Variants in NIBAN2 observed in about 807,000 individuals in gnomAD.
The protein encoded by NIBAN2 is protein Niban 2.
A neutral mutation model predicts 81.8 loss-of-function variants in NIBAN2; 36 were observed. That is an observed-to-expected ratio of 0.44 (90% CI 0.34 to 0.58). NIBAN2 has a LOEUF of 0.58. Ranked by LOEUF, NIBAN2 falls within the 20% of genes least tolerant of loss-of-function variation. The pLI, the probability that NIBAN2 is intolerant of heterozygous loss-of-function variation, is 0.02. For synonymous variants in NIBAN2, 445 were observed against 441.6 expected, an observed-to-expected ratio of 1.01 and a Z score of -0.10; for missense variants, 897 against 1,014.1, an observed-to-expected ratio of 0.88 and a Z score of 1.57.
At chr9:127,553,921 T>A (rs1277323916) in intron 1 of NIBAN2, among the ~76,000 whole-genome samples, 1 of 151,886 alleles carries the variant, frequency 6.6e-6, no homozygotes, top group Non-Finnish European at 1.5e-5. Flanking sequence ...GGACTGGAGG[T>A]CTGATGGGTC....
Position 127,545,102 on chromosome 9 carries a change from G to T in NIBAN2, c.56-13324C>A, listed in dbSNP as rs1837446990. ...AGCGAACCGCAACCTCAGCCCCTCA[G>T]CTTCCTCCTCAGCGGAGGAAATCTG... On this transcript the variant is annotated intron_variant, in intron 1 of 13. Transcript: ENST00000373312. This position sits in a 1 kb window ranked among gnomAD's most constrained non-coding sequence, Gnocchi z 4.7. Among the ~76,000 whole-genome samples the T allele has an allele frequency of 6.6e-6, 1 of 152,184 alleles. No individual in the cohort carries two copies. Among genetic ancestry groups the T allele is most frequent in the South Asian group, 2.1e-4 (1 of 4,836 alleles).
rs1588149203 is a variant in NIBAN2, at chr9:127,507,871, C to T, written c.1650G>A (p.Leu550=). 2.5e-6 allele frequency: 4 copies of T among 1,614,028 alleles called. No homozygotes were observed. The highest frequency in any genetic ancestry group is 3.4e-6 in the Non-Finnish European group (4 of 1,179,916). The change falls in exon 13 of 14, where the codon CTG becomes CTA. Residue 550 remains leucine, a synonymous_variant. Coordinates refer to ENST00000373312, the MANE Select transcript of NIBAN2 (RefSeq NM_022833.4). This position sits in a 1 kb window ranked among gnomAD's most constrained non-coding sequence, Gnocchi z 6.8. ...CCACCCCGGGACGGCACCCACCCTG[C>T]AGGATGTCCTTCATGACGGTCTGCA... is the stretch of plus-strand genomic sequence containing the variant. ...VVLQTVMKDI[L]QAVKEAAVQR...
At chr9:127,530,181 G>A (rs1300540234) in intron 2 of NIBAN2, among the ~76,000 whole-genome samples, 1 of 152,232 alleles carries the variant, frequency 6.6e-6, no homozygotes, top group African/African-American at 2.4e-5. Context: ...CCGGGCCACA[G>A]CAGGCCCCTC....
At chr9:127,569,733 G>T (rs976627760), upstream of NIBAN2, among the ~76,000 whole-genome samples, 1 of 152,192 alleles carries the variant, frequency 6.6e-6, no homozygotes. Context: ...CTATAGGAAG[G>T]GGGTGGGGAA....
chr9:127,557,600 C>T (rs994338840), intron 1 of NIBAN2, among the ~76,000 whole-genome samples: 3 of 152,254 alleles, frequency 2.0e-5, no homozygotes, highest in African/African-American at 4.8e-5. Flanking sequence ...AACAGCTCCT[C>T]TCGGATTCTG....
rs762729472 is a variant in NIBAN2 at position 127,517,047 on chromosome 9, C to T, written c.811-28G>A. The T allele has an allele frequency of 4.3e-6, 7 of 1,611,456 alleles. No individual in the cohort carries two copies. Among genetic ancestry groups the T allele is most frequent in the Non-Finnish European group, 5.9e-6 (7 of 1,178,270 alleles). On this transcript the variant is annotated intron_variant, in intron 7 of 13. Coordinates refer to ENST00000373312, the MANE Select transcript of NIBAN2 (RefSeq NM_022833.4). The surrounding 1 kb of genome is among the most constrained non-coding windows in gnomAD (Gnocchi z 4.0). ...GTGGGCAGAGCAGCTGAATTGGCAC[C>T]AGGGCTGAGGGCACCGCACCAGCTG...
rs1276 is a variant in NIBAN2, at chr9:127,505,577, G to C, written c.*1268C>G. On this transcript the variant is annotated 3_prime_UTR_variant, in exon 14 of 14. Coordinates refer to ENST00000373312, the MANE Select transcript of NIBAN2 (RefSeq NM_022833.4). ...GCCCCTCCTCTGGGGAGCAGGTCTA[G>C]GGCACGGAGGATGCAGGGCTGGGAG... 83,774 of 152,482 alleles carry C rather than the reference G, an allele frequency of 0.55. 24,375 individuals carry two copies. The highest frequency in any genetic ancestry group is 0.65 in the Middle Eastern group (192 of 294). The allele number at this position is 152,482 out of a possible 1,614,324, so 9.4% of individuals were successfully genotyped here. A position where few individuals can be genotyped will look rare whatever the true frequency, so the allele number is the denominator to read the frequency against.
intron 1 of NIBAN2, among the ~76,000 whole-genome samples, chr9:127,552,859 T>C (rs1837604188): frequency 6.6e-6 from 1 of 151,954 alleles, no homozygotes; most frequent in South Asian, 2.1e-4. Flanking sequence ...GCCTGGCTAA[T>C]TTTTGTATTT....
At position 127,527,178 on chromosome 9, in the gene NIBAN2, C is replaced by T. The variant is rs759692302; in HGVS notation, c.315+16G>A. 35 of 1,611,338 alleles carry T rather than the reference C, an allele frequency of 2.2e-5. No homozygotes were observed. In the East Asian group the frequency reaches 3.6e-4, roughly 16 times the overall value. ...AAGCGGGGAGGCTCAGTGTGGCGCC[C>T]GGGGCCAGGCCTCACCGCTTTGTTT... On this transcript the variant is annotated intron_variant, in intron 3 of 13. Coordinates refer to ENST00000373312, the MANE Select transcript of NIBAN2 (RefSeq NM_022833.4).
In NIBAN2 at chr9:127,506,416, C is replaced by T. The variant is rs1300639825; in HGVS notation, c.*429G>A. ...GCAGGGCCAGGAGGGCAGCAGTGCTCCCTCTCCCGGTCCTGGCCCAGCCAG... is the reference window on the plus strand; with the variant it reads ...GCAGGGCCAGGAGGGCAGCAGTGCTTCCTCTCCCGGTCCTGGCCCAGCCAG... On this transcript the variant is annotated 3_prime_UTR_variant, in exon 14 of 14. Coordinates refer to ENST00000373312, the MANE Select transcript of NIBAN2 (RefSeq NM_022833.4). 6.3e-6 allele frequency: 1 copy of T among 158,692 alleles called. No individual in the cohort carries two copies. Among genetic ancestry groups the T allele is most frequent in the East Asian group, 1.8e-4 (1 of 5,444 alleles). The allele number at this position is 158,692 out of a possible 1,614,324, so 9.8% of individuals were successfully genotyped here.
chr9:127,551,972 A>G (rs142779758), intron 1 of NIBAN2, among the ~76,000 whole-genome samples: 174 of 152,082 alleles, frequency 1.1e-3, no homozygotes, highest in Middle Eastern at 3.4e-3. Flanking sequence ...GGCTTGCCCC[A>G]CCCTCAGGTC....
chr9:127,560,640 C>T (rs1341610554), intron 1 of NIBAN2, among the ~76,000 whole-genome samples: 3 of 152,198 alleles, frequency 2.0e-5, no homozygotes, highest in Admixed American at 6.5e-5. Context: ...GACAGCCAGC[C>T]AGGAAGCACA....
chr9:127,557,537 G>A (rs761795158), intron 1 of NIBAN2, among the ~76,000 whole-genome samples: 1 of 152,188 alleles, frequency 6.6e-6, no homozygotes, highest in Non-Finnish European at 1.5e-5. Flanking sequence ...CCACCCGGGG[G>A]CCTCCAGGCA....
At chr9:127,577,413 T>TCCTAGAGTTCAGCTCTTTCTCAAACACAA (rs1838023176) in intron 1 of NIBAN2, among the ~76,000 whole-genome samples, 1 of 150,810 alleles carries the variant, frequency 6.6e-6, no homozygotes. Context: ...CCAGATCCAA[T>TCCTAGAGTTCAGCTCTTTCTCAAACACAA]ACCCCACACT....
chr9:127,527,340 T>TGGGG lies in NIBAN2; in HGVS notation c.187-22_187-19dup. On this transcript the variant is annotated intron_variant, in intron 2 of 13. Transcript: ENST00000373312. The stretch of plus-strand genomic sequence containing the variant: ...AGTGGCACCTGTGGGCAGGAGCGGG[T>TGGGG]GGGGAGTGAGGCCCAGGTCTGGGGG... 1 of 1,591,448 alleles carries TGGGG rather than the reference T, an allele frequency of 6.3e-7. No individual in the cohort carries two copies. Among genetic ancestry groups the TGGGG allele is most frequent in the Non-Finnish European group, 8.6e-7 (1 of 1,167,950 alleles).
chr9:127,576,797 G>A (rs916831380), intron 1 of NIBAN2, among the ~76,000 whole-genome samples: 7 of 150,668 alleles, frequency 4.6e-5, no homozygotes, highest in Admixed American at 6.6e-5. Context: ...AGGCTGGAGT[G>A]TAGTGGCGCC....
intron 1 of NIBAN2, among the ~76,000 whole-genome samples, chr9:127,578,460 A>G (rs1838035052): frequency 6.6e-6 from 1 of 151,258 alleles, no homozygotes; most frequent in Non-Finnish European, 1.5e-5. Flanking sequence ...TCAGGAGTTC[A>G]AGACCAGCCT....
intron 1 of NIBAN2, among the ~76,000 whole-genome samples, chr9:127,534,325 T>C (rs978294521): frequency 6.6e-6 from 1 of 152,164 alleles, no homozygotes; most frequent in African/African-American, 2.4e-5. Context: ...TAGGATGACA[T>C]TTCATTCCAT....
intron 1 of NIBAN2, among the ~76,000 whole-genome samples, chr9:127,557,618 C>T (rs936867459): frequency 1.4e-4 from 22 of 152,262 alleles, no homozygotes; most frequent in African/African-American, 5.1e-4. Context: ...CTGCCACAAT[C>T]TCAGCAGGAA....
Sources: gnomAD v4.1 joint callset for allele counts (sites outside exome capture counted in the v4.1 genomes callset) on GRCh38, gnomAD v4.1.1 for gene constraint, Gnocchi (gnomAD v3.1) non-coding constraint, MANE v1.5 for transcripts, NCBI Gene and HGNC (gene_info 2026-07-23, HGNC 2026-07-21) for gene names.